Variants in CFAP91 observed in about 807,000 individuals in gnomAD.
CFAP91 encodes the protein cilia- and flagella-associated protein 91.
Under a neutral mutation model 95.9 loss-of-function variants are expected in CFAP91, and 85 were observed. The ratio of observed to expected loss-of-function variants is 0.89; its 90% CI spans 0.74 to 1.06. CFAP91 has a LOEUF of 1.06. CFAP91 is among the 50% of genes least tolerant of loss of function. The pLI, the probability that CFAP91 is intolerant of heterozygous loss-of-function variation, is 0.00. For synonymous variants in CFAP91, 335 were observed against 327.5 expected, an observed-to-expected ratio of 1.02 and a Z score of -0.25; for missense variants, 962 against 943.4, an observed-to-expected ratio of 1.02 and a Z score of -0.26.
At chr3:119,747,649 G>C (rs2054248900) in intron 15 of CFAP91, 162 bp from the exon 16 acceptor site, 1 of 654,544 alleles carries the variant, frequency 1.5e-6, no homozygotes, top group African/African-American at 1.8e-5. Context: ...TTTTTTTGTG[G>C]AGTTAAACAA....
rs758450681 is a variant in CFAP91 at position 119,732,317 on chromosome 3, A to C, written c.1042A>C (p.Arg348=). The change falls in exon 9 of 18, where the codon AGA becomes CGA. Residue 348 remains arginine (R), a synonymous_variant. Coordinates refer to ENST00000273390, the MANE Select transcript of CFAP91 (RefSeq NM_033364.4). ...AGCAATCAGAAAACTTGTAGGAAAG[A>C]GAAAGAATATAGAAGGGAAGTTGGA... ...VSTIRKLVGK[R]KNIEGKLERR... is the part of the protein sequence containing the mutation. 1.2e-6 allele frequency: 2 copies of C among 1,603,672 alleles called. No individual in the cohort carries two copies. The highest frequency in any genetic ancestry group is 3.4e-5 in the Admixed American group (2 of 58,172).
intron 8 of CFAP91, among the ~76,000 whole-genome samples, chr3:119,731,593 T>C (rs1412957169): frequency 1.3e-5 from 2 of 152,224 alleles, no homozygotes; most frequent in Non-Finnish European, 2.9e-5. Context: ...GAATCAAACA[T>C]AAACAATATC....
At chr3:119,733,277 G>A in intron 9 of CFAP91, 87 bp from the exon 10 acceptor site, 1 of 1,401,774 alleles carries the variant, frequency 7.1e-7, no homozygotes, top group Admixed American at 2.2e-5. Flanking sequence ...GAAACTGCTT[G>A]GCAAACAGCT....
rs2054313846 is a variant in CFAP91 at position 119,750,987 on chromosome 3, A to G, written c.2194A>G (p.Ser732Gly). ...HILAAHQIIH[S>G]YTESMVQKKL... ...TCTTGCAGCCCATCAGATCATCCAC[A>G]GTTACACGGAAAGCATGGTTCAAAA... The change falls in exon 17 of 18, where the codon AGT becomes GGT. Residue 732 changes from serine (S) to glycine (G), a missense_variant. By Grantham distance (56) the Ser-to-Gly change is moderately conservative (BLOSUM62 0). Transcript: ENST00000273390. The G allele has an allele frequency of 6.2e-7, 1 of 1,614,060 alleles. No homozygotes were observed. Among genetic ancestry groups the G allele is most frequent in the Middle Eastern group, 1.6e-4 (1 of 6,062 alleles).
At chr3:119,748,347 T>C (rs1185341836) in intron 16 of CFAP91, among the ~76,000 whole-genome samples, 2 of 152,210 alleles carry the variant, frequency 1.3e-5, no homozygotes, top group Non-Finnish European at 2.9e-5. Flanking sequence ...CCCAAATAGC[T>C]TATTTCTGCT....
chr3:119,708,736 A>G lies in CFAP91; in HGVS notation c.443+62A>G, dbSNP rs1003155290. 53 of 989,808 alleles carry G rather than the reference A, an allele frequency of 5.4e-5. 1 individual carries two copies. The highest frequency in any genetic ancestry group is 7.6e-5 in the Non-Finnish European group (49 of 644,728). The allele number at this position is 989,808 out of a possible 1,614,324, so 61.3% of individuals were successfully genotyped here. On this transcript the variant is annotated intron_variant, in intron 4 of 17. Coordinates refer to ENST00000273390, the MANE Select transcript of CFAP91 (RefSeq NM_033364.4). ...TATTATTAGAGAACCTCTTTATGAT[A>G]ATAATAATAGTTATCATTTTTCAGT...
At chr3:119,708,706 C>A in intron 4 of CFAP91, 32 bp downstream of exon 4, 1 of 1,240,660 alleles carries the variant, frequency 8.1e-7, no homozygotes, top group East Asian at 2.3e-5. Context: ...ATATTTGAGC[C>A]CTAATATTAT....
chr3:119,756,255 A>T (rs138260044), intron 17 of CFAP91, among the ~76,000 whole-genome samples: 1 of 152,200 alleles, frequency 6.6e-6, no homozygotes, highest in Admixed American at 6.5e-5. Context: ...TTGACTTCTC[A>T]TCAGAAACAA....
chr3:119,738,131 G>A (rs952429964), intron 11 of CFAP91, among the ~76,000 whole-genome samples: 1 of 152,060 alleles, frequency 6.6e-6, no homozygotes, highest in Non-Finnish European at 1.5e-5. Flanking sequence ...GTCCTCACAA[G>A]AAGCCAGATT....
At chr3:119,732,518 G>T in intron 9 of CFAP91, 42 bp downstream of exon 9, 1 of 1,292,714 alleles carries the variant, frequency 7.7e-7, no homozygotes, top group Non-Finnish European at 1.1e-6. Context: ...TAAGAAGGTT[G>T]TCTCAGAAAT....
At chr3:119,704,395 G>GTA (rs1429711663) in intron 1 of CFAP91, among the ~76,000 whole-genome samples, 2 of 152,180 alleles carry the variant, frequency 1.3e-5, no homozygotes, top group East Asian at 3.8e-4. Flanking sequence ...AGGAAGCGAA[G>GTA]TATAGCCAGG....
intron 3 of CFAP91, 27 bp downstream of exon 3, chr3:119,707,588 A>G: frequency 6.6e-7 from 1 of 1,520,044 alleles, no homozygotes; most frequent in Non-Finnish European, 8.9e-7. Context: ...TCCAGGGCCT[A>G]AAATAAATGC....
At chr3:119,739,383 A>T (rs1012611953) in intron 12 of CFAP91, 57 bp downstream of exon 12, 11 of 1,490,718 alleles carry the variant, frequency 7.4e-6, no homozygotes, top group Admixed American at 1.7e-5. Context: ...ATTTTTTAGA[A>T]TGCATATGTG....
chr3:119,760,921 G>C (rs1559772770), intron 17 of CFAP91, among the ~76,000 whole-genome samples: 1 of 147,760 alleles, frequency 6.8e-6, no homozygotes, highest in Non-Finnish European at 1.5e-5. Flanking sequence ...CATCGAAAAA[G>C]AAGAAAGATC....
chr3:119,706,796 G>T lies in CFAP91; in HGVS notation c.125-13G>T. Reference sequence around the variant, plus strand: ...GTTCTATCTGTTATGCTACTTGATTGTTTATTTTGCAGATCCATTGTTTAT... The same window carrying T: ...GTTCTATCTGTTATGCTACTTGATTTTTTATTTTGCAGATCCATTGTTTAT... On this transcript the variant is annotated splice_polypyrimidine_tract_variant and intron_variant, in intron 1 of 17. Transcript: ENST00000273390. 6.2e-7 allele frequency: 1 copy of T among 1,603,352 alleles called. No homozygotes were observed. The highest frequency in any genetic ancestry group is 1.3e-5 in the African/African-American group (1 of 74,730).
At chr3:119,730,550 A>G (rs1264635600) in intron 8 of CFAP91, among the ~76,000 whole-genome samples, 173 bp downstream of exon 8, 1 of 151,762 alleles carries the variant, frequency 6.6e-6, no homozygotes, top group Non-Finnish European at 1.5e-5. Context: ...AAATTCCCTT[A>G]CTAAGAAAAT....
rs866210465 is a variant in CFAP91, at chr3:119,765,222, A to T, written c.*172A>T. ...ATTTAAAATGATTTTCAATAATAAT[A>T]ATCAAATGAAAAAGCTTCATTCTCT... On this transcript the variant is annotated 3_prime_UTR_variant, in exon 18 of 18. Coordinates refer to ENST00000273390, the MANE Select transcript of CFAP91 (RefSeq NM_033364.4). 6.6e-5 allele frequency: 10 copies of T among 152,228 alleles called. No individual in the cohort carries two copies. The highest frequency in any genetic ancestry group is 2.4e-4 in the African/African-American group (10 of 41,468). 9.4% of individuals were successfully genotyped at this position (152,228 alleles called of 1,614,324 possible). A position where few individuals can be genotyped will look rare whatever the true frequency, so the allele number is the denominator to read the frequency against.
chr3:119,707,450 A>G lies in CFAP91; in HGVS notation c.248A>G (p.Tyr83Cys). 1.3e-6 allele frequency: 2 copies of G among 1,589,394 alleles called. 1 individual carries two copies. The highest frequency in any genetic ancestry group is 3.4e-5 in the Admixed American group (2 of 59,498). ...FKTMFSNLIHYPRYSLYWSKS... is the reference protein window; with the variant it reads ...FKTMFSNLIHCPRYSLYWSKS... ...ACCATGTTCAGTAACCTGATCCATTATCCAAGATATTCTCTATATTGGAGC... is the reference window on the plus strand; with the variant it reads ...ACCATGTTCAGTAACCTGATCCATTGTCCAAGATATTCTCTATATTGGAGC... The change falls in exon 3 of 18, where the codon TAT (tyrosine) becomes TGT (cysteine). Residue 83 changes from tyrosine (Y) to cysteine (C), a missense_variant. Coordinates refer to ENST00000273390, the MANE Select transcript of CFAP91 (RefSeq NM_033364.4).
intron 5 of CFAP91, chr3:119,710,399 G>A (rs1364118968): frequency 6.5e-6 from 1 of 154,024 alleles, no homozygotes; most frequent in African/African-American, 2.4e-5. Flanking sequence ...GTGGAGGAAG[G>A]TGGAAGGCCA....
Sources: allele counts gnomAD v4.1 joint callset (sites outside exome capture counted in the v4.1 genomes callset), GRCh38; gene constraint gnomAD v4.1.1; transcripts MANE v1.5; gene names NCBI Gene and HGNC (gene_info 2026-07-23, HGNC 2026-07-21).